The following UACA variants were observed in gnomAD, a reference collection of about 807,000 sequenced individuals.
The protein encoded by UACA is nuclear membrane binding protein.
In UACA, 112 loss-of-function variants were observed where a neutral mutation model predicts 160.5. The ratio of observed to expected loss-of-function variants is 0.70; its 90% confidence interval spans 0.60 to 0.82. The LOEUF is 0.82. Among genes scored for constraint, UACA ranks in the 40% least tolerant of loss-of-function variants. The pLI is 0.00. For missense variants in UACA, 1,574 were observed against 1,614.6 expected, an observed-to-expected ratio of 0.97 and a Z score of 0.43; for synonymous variants, 557 against 568.4, an observed-to-expected ratio of 0.98 and a Z score of 0.29.
rs1057176200 is a variant in UACA, at chr15:70,655,476, C to T, written c.*1580G>A. ...CTTCTGACCTCAGGTGATCTACCTC[C>T]CTCAGCCTCCCAAAGTGCTGGGATT... On this transcript the variant is annotated 3_prime_UTR_variant, in exon 19 of 19. Transcript: ENST00000322954. 6.6e-6 allele frequency: 1 copy of T among 152,124 alleles called. No individual in the cohort carries two copies. Among genetic ancestry groups the T allele is most frequent in the African/African-American group, 2.4e-5 (1 of 41,392 alleles). 9.4% of individuals were successfully genotyped at this position (152,124 alleles called of 1,614,324 possible).
At position 70,656,637 on chromosome 15, in the gene UACA, T is replaced by C. The variant is rs1896481907; in HGVS notation, c.*419A>G. 6.3e-6 allele frequency: 1 copy of C among 158,090 alleles called. No homozygotes were observed. The highest frequency in any genetic ancestry group is 6.1e-5 in the Admixed American group (1 of 16,408). 9.8% of individuals were successfully genotyped at this position (158,090 alleles called of 1,614,324 possible). ...ACATTCCTCACAACTGTATTATGTC[T>C]CAAGGTTCTGAGGATCTGAAAGGTC... On this transcript the variant is annotated 3_prime_UTR_variant, in exon 19 of 19. Transcript: ENST00000322954.
At position 70,687,693 on chromosome 15, in the gene UACA, A is replaced by C. The variant is rs771734350; in HGVS notation, c.496-47T>G. On this transcript the variant is annotated intron_variant, in intron 6 of 18. Coordinates refer to ENST00000322954, the MANE Select transcript of UACA (RefSeq NM_018003.4). ...ACAGCATTAAGACAACAGATCTCCC[A>C]AAATGTAGAAGTTAGAATGCATGAG... 5.0e-6 allele frequency: 8 copies of C among 1,613,242 alleles called. No homozygotes were observed. In the South Asian group the frequency reaches 8.8e-5, roughly 18 times the overall value.
rs1456159486 is a variant in UACA, at chr15:70,722,767, A to G, written c.79-23107T>C. Among the ~76,000 whole-genome samples the G allele has an allele frequency of 9.8e-5, 15 of 152,338 alleles. No homozygotes were observed. The East Asian group carries it at 2.9e-3, about 29-fold the overall frequency. ...TCACTGGAATTGCTTACTGATGAAT[A>G]TTCCTGACTGAGCATTTCAAAGCTC... On this transcript the variant is annotated intron_variant, in intron 1 of 18. Coordinates refer to ENST00000322954, the MANE Select transcript of UACA (RefSeq NM_018003.4).
chr15:70,668,084 T>C lies in UACA; in HGVS notation c.2600A>G (p.Glu867Gly), dbSNP rs572194470. 12 of 1,613,430 alleles carry C rather than the reference T, an allele frequency of 7.4e-6. No individual in the cohort carries two copies. Among genetic ancestry groups the C allele is most frequent in the African/African-American group, 4.0e-5 (3 of 74,902 alleles). ...NQYVPVKTHE[E>G]VKMTLNDTLA... ...CGTGTCATTCAGTGTCATTTTAACC[T>C]CTTCATGGGTTTTAACTGGCACATA... is the stretch of plus-strand genomic sequence containing the variant. Residue 867 changes from glutamate to glycine, a missense_variant, in exon 16 of 19, where the codon GAG becomes GGG. Transcript: ENST00000322954.
chr15:70,668,859 CCTTT>C lies in UACA; in HGVS notation c.1821_1824del (p.Lys608SerfsTer27), dbSNP rs752971680. On this transcript the variant is annotated frameshift_variant, in exon 16 of 19. Transcript: ENST00000322954. LOFTEE classifies it high-confidence loss of function. ...TTTGCCTGGCCTTCCATCTCTGTGACCTTTCTTCCTTTCTTCTCTCGCTCCATTT... is the reference window on the plus strand; with the variant it reads ...TTTGCCTGGCCTTCCATCTCTGTGACCTTCCTTTCTTCTCTCGCTCCATTT... The C allele has an allele frequency of 1.9e-5, 30 of 1,613,706 alleles. No homozygotes were observed. The highest frequency in any genetic ancestry group is 2.5e-5 in the Non-Finnish European group (29 of 1,180,000).
At chr15:70,692,240 C>T (rs1431491436) in intron 3 of UACA, among the ~76,000 whole-genome samples, 1 of 152,136 alleles carries the variant, frequency 6.6e-6, no homozygotes, top group African/African-American at 2.4e-5. Flanking sequence ...TAGCTCAGTA[C>T]AGCCTCGAAT....
chr15:70,738,268 C>A (rs751069940), intron 1 of UACA, among the ~76,000 whole-genome samples: 1 of 151,726 alleles, frequency 6.6e-6, no homozygotes, highest in Non-Finnish European at 1.5e-5. Context: ...GGTCTCCCTG[C>A]TTCTGCTTGT....
intron 3 of UACA, among the ~76,000 whole-genome samples, chr15:70,694,504 G>A (rs1300298516): frequency 1.3e-5 from 2 of 152,136 alleles, no homozygotes; most frequent in Admixed American, 6.6e-5. Flanking sequence ...GAAGGGCCTT[G>A]GGCCAAATTA....
Position 70,668,783 on chromosome 15 carries a change from T to G in UACA, c.1901A>C (p.Asn634Thr). 1 of 1,613,992 alleles carries G rather than the reference T, an allele frequency of 6.2e-7. No individual in the cohort carries two copies. The highest frequency in any genetic ancestry group is 1.1e-5 in the South Asian group (1 of 91,078). The change falls in exon 16 of 19, where the codon AAC (asparagine) becomes ACC (threonine). Residue 634 changes from asparagine (N) to threonine (T), a missense_variant. By Grantham distance (65) the Asn-to-Thr change is moderately conservative. Transcript: ENST00000322954. ...TTCATTTGATAATGAGCTCTTCATG[T>G]TTTCAAATTTTTCAGCTGGAATGGA... ...ALSIPAEKFE[N>T]MKSSLSNEVN... is the part of the protein sequence containing the mutation.
chr15:70,655,677 A>G lies in UACA; in HGVS notation c.*1379T>C, dbSNP rs1896459037. On this transcript the variant is annotated 3_prime_UTR_variant, in exon 19 of 19. Transcript: ENST00000322954. ...GTATAAAGAATTAAAAACAAATCCA[A>G]TTCTGACTTTCAATGTTGTTTCAAC... 2 of 152,206 alleles carry G rather than the reference A, an allele frequency of 1.3e-5. No individual in the cohort carries two copies. The highest frequency in any genetic ancestry group is 1.3e-4 in the Admixed American group (2 of 15,282). 9.4% of individuals were successfully genotyped at this position (152,206 alleles called of 1,614,324 possible). A position where few individuals can be genotyped will look rare whatever the true frequency, so the allele number is the denominator to read the frequency against.
chr15:70,696,771 C>A (rs184832386), intron 2 of UACA, among the ~76,000 whole-genome samples: 43 of 152,236 alleles, frequency 2.8e-4, no homozygotes, highest in Admixed American at 7.9e-4. Context: ...TTTCCTTTAG[C>A]AAAGGTAGTC....
Position 70,667,736 on chromosome 15 carries a change from A to G in UACA, c.2948T>C (p.Val983Ala). Residue 983 changes from valine (V) to alanine (A), a missense_variant, in exon 16 of 19, where the codon GTA (valine) becomes GCA (alanine). By Grantham distance (64) the Val-to-Ala change is moderately conservative. Coordinates refer to ENST00000322954, the MANE Select transcript of UACA (RefSeq NM_018003.4). Reference sequence around the variant, plus strand: ...AAAGCTGACAATTGGGGCGTATTTTACCTTAATGCATTCTTGTATTGTGTC... The same window carrying G: ...AAAGCTGACAATTGGGGCGTATTTTGCCTTAATGCATTCTTGTATTGTGTC... ...ELDTIQECIK[V>A]KYAPIVSFEE... 1 of 1,613,984 alleles carries G rather than the reference A, an allele frequency of 6.2e-7. No individual in the cohort carries two copies. The highest frequency in any genetic ancestry group is 8.5e-7 in the Non-Finnish European group (1 of 1,179,980).
intron 5 of UACA, 97 bp downstream of exon 5, chr15:70,690,357 T>C: frequency 6.5e-6 from 7 of 1,080,774 alleles, no homozygotes; most frequent in Non-Finnish European, 8.2e-6. Context: ...TGTTTCTCCA[T>C]GAATTATATA....
At chr15:70,701,940 T>C in intron 1 of UACA, 1 of 1,612,628 alleles carries the variant, frequency 6.2e-7, no homozygotes, top group Non-Finnish European at 8.5e-7. Context: ...TTCTTGTTGC[T>C]AATGGCAAAC....
chr15:70,699,705 T>C (rs768620287), intron 1 of UACA, 45 bp from the exon 2 acceptor site: 15 of 1,590,556 alleles, frequency 9.4e-6, no homozygotes, highest in African/African-American at 1.4e-5. Flanking sequence ...ACTACATTAG[T>C]TAAGATTTTT....
the UACA span, among the ~76,000 whole-genome samples, chr15:70,770,313 C>CA: frequency 6.6e-5 from 10 of 152,150 alleles, no homozygotes; most frequent in Non-Finnish European, 1.0e-4. Flanking sequence ...TTCTTATATA[C>CA]AGTAGCATTA....
Position 70,700,067 on chromosome 15 carries a change from T to C in UACA, c.79-407A>G, listed in dbSNP as rs1898288446. On this transcript the variant is annotated intron_variant, in intron 1 of 18. Coordinates refer to ENST00000322954, the MANE Select transcript of UACA (RefSeq NM_018003.4). ...AGAAAAGCCAAGGCCCCAGAGACAG[T>C]AAATGTCTTAAGTGTTCAAAAGCCC... 2.0e-5 allele frequency among the ~76,000 whole-genome samples: 3 copies of C among 151,990 alleles called. No homozygotes were observed. The South Asian group carries it at 6.2e-4, about 31-fold the overall frequency.
intron 13 of UACA, among the ~76,000 whole-genome samples, chr15:70,674,141 C>T (rs1220222001): frequency 1.3e-5 from 2 of 152,152 alleles, no homozygotes; most frequent in African/African-American, 4.8e-5. Context: ...GGATTACAGG[C>T]TGAGACACCA....
intron 2 of UACA, among the ~76,000 whole-genome samples, chr15:70,696,177 A>AT (rs927531177): frequency 1.4e-4 from 22 of 152,250 alleles, no homozygotes; most frequent in Non-Finnish European, 2.6e-4. Context: ...CACCATTAAA[A>AT]TTTTTTACAT....
Sources: allele counts gnomAD v4.1 joint callset (sites outside exome capture counted in the v4.1 genomes callset), GRCh38; gene constraint gnomAD v4.1.1; transcripts MANE v1.5; gene names NCBI Gene and HGNC (gene_info 2026-07-23, HGNC 2026-07-21).